The following PPARGC1A variants were observed in gnomAD, a reference collection of about 807,000 sequenced individuals.
PPARGC1A encodes PPARG coactivator 1 alpha.
A neutral mutation model predicts 88.7 loss-of-function variants in PPARGC1A; 25 were observed. That is an observed-to-expected ratio of 0.28 (90% CI 0.21 to 0.39). The LOEUF (loss-of-function observed/expected upper bound fraction) is 0.39. Ranked by LOEUF, PPARGC1A falls within the 10% of genes least tolerant of loss-of-function variation. The probability of loss-of-function intolerance (pLI) is 1.00; values close to 1 mark genes in which losing one functional copy is unlikely to be tolerated. For synonymous variants in PPARGC1A, 363 were observed against 355.6 expected (o/e 1.02, Z -0.24); for missense variants, 880 against 968.7 (o/e 0.91, Z 1.22).
the PPARGC1A span, among the ~76,000 whole-genome samples, chr4:24,123,910 C>CAAA: frequency 5.8e-3 from 714 of 123,310 alleles, 13 homozygotes; most frequent in African/African-American, 0.012. Flanking sequence ...TCTAAGTTGG[C>CAAA]AAAAAAAAAA....
chr4:24,089,296 T>C, the PPARGC1A span, among the ~76,000 whole-genome samples: 2 of 152,158 alleles, frequency 1.3e-5, no homozygotes, highest in East Asian at 1.9e-4. Flanking sequence ...TCAACTGAAG[T>C]AGGTGACTCC....
chr4:24,437,048 T>G, the PPARGC1A span, among the ~76,000 whole-genome samples: 418 of 152,362 alleles, frequency 2.7e-3, 2 homozygotes, highest in African/African-American at 9.7e-3. Context: ...TCCTCCCCAT[T>G]AGATGTGAAA....
the PPARGC1A span, among the ~76,000 whole-genome samples, chr4:24,359,723 C>T: frequency 5.3e-5 from 8 of 152,116 alleles, no homozygotes; most frequent in African/African-American, 1.9e-4. Flanking sequence ...CACCAAGTGA[C>T]TTTGGAAACA....
chr4:24,410,700 C>T, the PPARGC1A span, among the ~76,000 whole-genome samples: 2 of 152,168 alleles, frequency 1.3e-5, no homozygotes, highest in South Asian at 2.1e-4. Flanking sequence ...GGCAGAAGAA[C>T]ACAGAAGGAC....
At chr4:24,270,060 C>T in the PPARGC1A span, among the ~76,000 whole-genome samples, 2 of 152,128 alleles carry the variant, frequency 1.3e-5, no homozygotes, top group Non-Finnish European at 2.9e-5. Flanking sequence ...CTGAGTACAG[C>T]GTATTGCCCT....
At chr4:24,196,363 C>A in the PPARGC1A span, among the ~76,000 whole-genome samples, 1 of 152,216 alleles carries the variant, frequency 6.6e-6, no homozygotes, top group Non-Finnish European at 1.5e-5. Context: ...GAGAGCCTTG[C>A]TCTGTATCCA....
chr4:24,273,056 G>A, the PPARGC1A span, among the ~76,000 whole-genome samples: 10 of 152,072 alleles, frequency 6.6e-5, no homozygotes, highest in Non-Finnish European at 1.2e-4. Context: ...GTTCTTAATC[G>A]AACATTCATT....
upstream of PPARGC1A, among the ~76,000 whole-genome samples, chr4:23,907,490 T>C (rs1720187092): frequency 6.6e-6 from 1 of 152,212 alleles, no homozygotes; most frequent in Non-Finnish European, 1.5e-5. Context: ...GTGCATTCAG[T>C]AAGGAGTCCC....
chr4:24,252,218 G>A, the PPARGC1A span, among the ~76,000 whole-genome samples: 8 of 152,038 alleles, frequency 5.3e-5, no homozygotes, highest in Admixed American at 5.2e-4. Context: ...ATGACTTGAG[G>A]GCAATTTTTT....
the PPARGC1A span, among the ~76,000 whole-genome samples, chr4:24,222,289 T>C: frequency 6.6e-6 from 1 of 152,214 alleles, no homozygotes. Context: ...TGAGAGACAG[T>C]ACCTTGAGGT....
the PPARGC1A span, among the ~76,000 whole-genome samples, chr4:24,436,547 G>A: frequency 1.3e-5 from 2 of 150,648 alleles, no homozygotes; most frequent in African/African-American, 4.9e-5. Flanking sequence ...CCAGAGCCCG[G>A]GTCACACAGC....
chr4:24,430,017 G>A, the PPARGC1A span, among the ~76,000 whole-genome samples: 123 of 152,222 alleles, frequency 8.1e-4, no homozygotes, highest in African/African-American at 2.9e-3. Flanking sequence ...CTGGTCCTAT[G>A]TAAGAACCTG....
the PPARGC1A span, among the ~76,000 whole-genome samples, chr4:24,327,883 C>T: frequency 6.6e-5 from 10 of 152,246 alleles, no homozygotes; most frequent in South Asian, 1.5e-3. Flanking sequence ...CGTGTATGCC[C>T]AGATGGCCTG....
At chr4:24,284,432 T>A in the PPARGC1A span, among the ~76,000 whole-genome samples, 1 of 152,220 alleles carries the variant, frequency 6.6e-6, no homozygotes, top group African/African-American at 2.4e-5. Flanking sequence ...TCTTAACCAC[T>A]CCATTCACTT....
chr4:24,016,056 C>G, the PPARGC1A span, among the ~76,000 whole-genome samples: 1 of 152,126 alleles, frequency 6.6e-6, no homozygotes, highest in Non-Finnish European at 1.5e-5. Context: ...GGTGCTTAGG[C>G]TGCAATAATT....
chr4:24,471,284 A>C, the PPARGC1A span, among the ~76,000 whole-genome samples: 2 of 151,362 alleles, frequency 1.3e-5, no homozygotes, highest in African/African-American at 4.9e-5. This position sits in a 1 kb window ranked among gnomAD's most constrained non-coding sequence, Gnocchi z 5.4. Flanking sequence ...TCTGGCCCCA[A>C]CTTTCCCCAG....
the PPARGC1A span, among the ~76,000 whole-genome samples, chr4:23,947,395 A>ATG: frequency 1.5e-3 from 14 of 9,348 alleles, no homozygotes; most frequent in African/African-American, 3.2e-3. Flanking sequence ...ATATATATAT[A>ATG]TAAAAAAAAC....
chr4:24,119,380 G>T, the PPARGC1A span, among the ~76,000 whole-genome samples: 91,801 of 151,906 alleles, frequency 0.6, 27,829 homozygotes, highest in African/African-American at 0.63. Context: ...AAGACCTGGT[G>T]TTAGAAGGCA....
chr4:23,894,576 C>A (rs965819989), upstream of PPARGC1A, among the ~76,000 whole-genome samples: 9 of 151,688 alleles, frequency 5.9e-5, no homozygotes, highest in Non-Finnish European at 8.8e-5. Flanking sequence ...TTTTAATAAA[C>A]AAGTTATGAT....
Sources: allele counts gnomAD v4.1 joint callset (sites outside exome capture counted in the v4.1 genomes callset), GRCh38; gene constraint gnomAD v4.1.1; non-coding constraint Gnocchi (gnomAD v3.1); transcripts MANE v1.5; gene names NCBI Gene and HGNC (gene_info 2026-07-23, HGNC 2026-07-21).